HIP1: variants seen among roughly 807,000 people sequenced by gnomAD.
HIP1 encodes the protein huntingtin-interacting protein 1.
A neutral mutation model predicts 147.6 loss-of-function variants in HIP1; 65 were observed. That is an observed-to-expected ratio of 0.44 (90% CI 0.36 to 0.54). HIP1 has a LOEUF of 0.54. Among genes scored for constraint, HIP1 ranks in the 20% least tolerant of loss-of-function variants. The pLI is 0.00. For missense variants in HIP1, 1,061 were observed against 1,299.6 expected (o/e 0.82, Z 2.82); for synonymous variants, 479 against 504.0 (o/e 0.95, Z 0.67).
chr7:75,671,021 G>T (rs542237879), intron 1 of HIP1, among the ~76,000 whole-genome samples: 111 of 152,204 alleles, frequency 7.3e-4, no homozygotes, highest in Admixed American at 1.8e-3. Flanking sequence ...GTTGTGACTA[G>T]CTTATTGCAC....
chr7:75,569,463 A>T (rs1482789530), intron 8 of HIP1, among the ~76,000 whole-genome samples: 1 of 152,092 alleles, frequency 6.6e-6, no homozygotes, highest in Non-Finnish European at 1.5e-5. Context: ...AATAAAAATT[A>T]GCCAGGTGTG....
chr7:75,634,239 AAC>A (rs1798344072), intron 1 of HIP1, among the ~76,000 whole-genome samples: 2 of 151,510 alleles, frequency 1.3e-5, no homozygotes, highest in South Asian at 2.1e-4. Flanking sequence ...CAGCCTTGAC[AAC>A]AGAGTGAGAC....
intron 1 of HIP1, among the ~76,000 whole-genome samples, chr7:75,646,041 A>G (rs1798790119): frequency 6.6e-6 from 1 of 152,076 alleles, no homozygotes; most frequent in African/African-American, 2.4e-5. Flanking sequence ...CACACAATAT[A>G]CCCATGTAAC....
chr7:75,735,959 G>T (rs1406531703), intron 1 of HIP1, among the ~76,000 whole-genome samples: 1 of 151,938 alleles, frequency 6.6e-6, no homozygotes, highest in Non-Finnish European at 1.5e-5. Flanking sequence ...GAGGCTGGGT[G>T]CAGTGGCTCA....
intron 1 of HIP1, among the ~76,000 whole-genome samples, chr7:75,705,117 T>A (rs77301644): frequency 0.09 from 13,642 of 152,168 alleles, 1,018 homozygotes; most frequent in East Asian, 0.19. Flanking sequence ...CCGCTATCCA[T>A]CGGCAGAACT....
intron 7 of HIP1, among the ~76,000 whole-genome samples, chr7:75,578,562 C>T (rs1182832543): frequency 6.6e-6 from 1 of 152,228 alleles, no homozygotes; most frequent in South Asian, 2.1e-4. Flanking sequence ...CCCGTAGTCC[C>T]AGCTACTTGG....
intron 19 of HIP1, among the ~76,000 whole-genome samples, chr7:75,555,193 G>GGT (rs1238662259): frequency 1.7e-4 from 9 of 52,966 alleles, no homozygotes; most frequent in African/African-American, 6.8e-4. Context: ...AAAGCGGGGG[G>GGT]GCGGGGGGGG....
intron 1 of HIP1, among the ~76,000 whole-genome samples, chr7:75,677,926 A>T (rs148170913): frequency 3.9e-5 from 6 of 152,154 alleles, no homozygotes; most frequent in Admixed American, 1.3e-4. Flanking sequence ...GTACTTCATC[A>T]AATGGTTTTC....
rs782408063 is a variant in HIP1, at chr7:75,599,226, T to C, written c.142A>G (p.Ile48Val). Residue 48 changes from isoleucine to valine, a missense_variant, in exon 2 of 31, where the codon ATT becomes GTT. Physicochemically the swap from Ile to Val is conservative, Grantham distance 29. This residue lies in a region of HIP1 where 225 missense variants were observed against 292.9 expected (regional missense o/e 0.77). Transcript: ENST00000336926. ...RTQTVSINKAINTQEVAVKEK... is the reference protein window; with the variant it reads ...RTQTVSINKAVNTQEVAVKEK... The stretch of plus-strand genomic sequence containing the variant: ...TTTACAGCCACTTCCTGCGTATTAA[T>C]GGCCTTATTGATGCTGACAGTCTGA... 1 of 1,612,892 alleles carries C rather than the reference T, an allele frequency of 6.2e-7. No individual in the cohort carries two copies. Among genetic ancestry groups the C allele is most frequent in the Non-Finnish European group, 8.5e-7 (1 of 1,178,902 alleles).
At chr7:75,633,993 C>G (rs915401370) in intron 1 of HIP1, among the ~76,000 whole-genome samples, 19 of 152,100 alleles carry the variant, frequency 1.2e-4, no homozygotes, top group Admixed American at 1.2e-3. Context: ...CAGTGGCTCA[C>G]ACCTGTAATC....
At chr7:75,611,576 G>T (rs1797439329) in intron 1 of HIP1, 1 of 571,614 alleles carries the variant, frequency 1.7e-6, no homozygotes, top group Non-Finnish European at 2.3e-6. Flanking sequence ...GACATCATTT[G>T]GTTCTGAACT....
chr7:75,606,231 T>G (rs17149227), intron 1 of HIP1, among the ~76,000 whole-genome samples: 20,777 of 152,124 alleles, frequency 0.14, 2,319 homozygotes, highest in African/African-American at 0.26. Flanking sequence ...CAATATAATG[T>G]GAGCTGTAAA....
intron 1 of HIP1, among the ~76,000 whole-genome samples, chr7:75,628,838 C>T (rs1003499670): frequency 6.6e-6 from 1 of 152,166 alleles, no homozygotes; most frequent in East Asian, 1.9e-4. Context: ...ATTATCTACA[C>T]CTGGCATGAG....
chr7:75,664,006 GTATATATATACACATATA>G lies in HIP1; in HGVS notation c.121-64777_121-64760del, dbSNP rs1799419856. On this transcript the variant is annotated intron_variant, in intron 1 of 30. Coordinates refer to ENST00000336926, the MANE Select transcript of HIP1 (RefSeq NM_005338.7). The stretch of plus-strand genomic sequence containing the variant: ...TGTGTATATATATACACATATATGT[GTATATATATACACATATA>G]TGTGTATATATATACACATATATGT... Among the ~76,000 whole-genome samples the G allele has an allele frequency of 3.3e-4, 6 of 18,204 alleles. 1 individual carries two copies. The highest frequency in any genetic ancestry group is 1.8e-3 in the South Asian group (1 of 570). 11.9% of individuals were successfully genotyped at this position (18,204 alleles called of 152,430 possible).
intron 1 of HIP1, among the ~76,000 whole-genome samples, chr7:75,662,545 G>T (rs1196871281): frequency 6.6e-6 from 1 of 151,828 alleles, no homozygotes; most frequent in African/African-American, 2.4e-5. Context: ...TCGCTCTGTC[G>T]CCCAGGCTGG....
At chr7:75,617,205 G>T (rs587639885) in intron 1 of HIP1, among the ~76,000 whole-genome samples, 1 of 151,406 alleles carries the variant, frequency 6.6e-6, no homozygotes, top group Non-Finnish European at 1.5e-5. Context: ...CTGCCAAGTC[G>T]CTGCGATTAC....
chr7:75,697,282 T>G (rs533982810), intron 1 of HIP1, among the ~76,000 whole-genome samples: 52 of 152,234 alleles, frequency 3.4e-4, no homozygotes, highest in Non-Finnish European at 5.6e-4. Flanking sequence ...GTCACTGTTT[T>G]AATCATTAAA....
rs117541179 is a variant in HIP1 at position 75,640,557 on chromosome 7, G to A, written c.121-41310C>T. On this transcript the variant is annotated intron_variant, in intron 1 of 30. Transcript: ENST00000336926. ...GCTTGAGGCCAGGAGTTCAAGACCAGCCTGGCCAAAATGACGAAACTCCCG... is the reference window on the plus strand; with the variant it reads ...GCTTGAGGCCAGGAGTTCAAGACCAACCTGGCCAAAATGACGAAACTCCCG... 2.6e-3 allele frequency among the ~76,000 whole-genome samples: 402 copies of A among 152,102 alleles called. 6 individuals are homozygous for A. In the East Asian group the frequency reaches 0.039, roughly 15 times the overall value.
At chr7:75,737,732 T>G (rs1802070255) in intron 1 of HIP1, among the ~76,000 whole-genome samples, 2 of 152,070 alleles carry the variant, frequency 1.3e-5, no homozygotes, top group South Asian at 4.1e-4. Flanking sequence ...CAAAGCCCTT[T>G]CCCTCCAACT....
Sources: allele counts gnomAD v4.1 joint callset (sites outside exome capture counted in the v4.1 genomes callset), GRCh38; gene constraint gnomAD v4.1.1; regional missense constraint gnomAD v4.1.1; transcripts MANE v1.5; gene names NCBI Gene and HGNC (gene_info 2026-07-23, HGNC 2026-07-21).